ZMAT4: variants seen among roughly 807,000 people sequenced by gnomAD.
ZMAT4 encodes zinc finger matrin-type 4, also known as zinc finger matrin-type protein 4.
Under a neutral mutation model 28.7 loss-of-function variants are expected in ZMAT4, and 17 were observed. The observed-to-expected ratio is 0.59, with a 90% CI of 0.41 to 0.89. ZMAT4 has a LOEUF of 0.89. Ranked by LOEUF, ZMAT4 falls within the 40% of genes least tolerant of loss-of-function variation. The probability of loss-of-function intolerance (pLI) is 0.00; values close to 1 mark genes in which losing one functional copy is unlikely to be tolerated. For synonymous variants in ZMAT4, 117 were observed against 109.2 expected (o/e 1.07, Z -0.44); for missense variants, 240 against 283.8 (o/e 0.85, Z 1.11).
At position 40,699,596 on chromosome 8, in the gene ZMAT4, G is replaced by GCACACACACACACA. The variant is rs10681965; in HGVS notation, c.193-2209_193-2196dup. 3.7e-4 allele frequency among the ~76,000 whole-genome samples: 56 copies of GCACACACACACACA among 149,746 alleles called. 2 individuals carry two copies. Among genetic ancestry groups the GCACACACACACACA allele is most frequent in the Middle Eastern group, 3.5e-3 (1 of 288 alleles). Reference sequence around the variant, plus strand: ...ACGATTGGATAAAGAAAATGTAAATGCACACACACACACACACACACACAC... The same window carrying GCACACACACACACA: ...ACGATTGGATAAAGAAAATGTAAATGCACACACACACACACACACACACACACACACACACACAC... On this transcript the variant is annotated intron_variant, in intron 3 of 6. Coordinates refer to ENST00000297737, the MANE Select transcript of ZMAT4 (RefSeq NM_024645.3).
chr8:40,767,476 A>T (rs930346899), intron 3 of ZMAT4, among the ~76,000 whole-genome samples, 165 bp downstream of exon 3: 1 of 152,154 alleles, frequency 6.6e-6, no homozygotes, highest in Non-Finnish European at 1.5e-5. Context: ...CAGGAAAATA[A>T]AAAAACCTCG....
chr8:40,596,823 A>T (rs997166924), intron 5 of ZMAT4, among the ~76,000 whole-genome samples: 2 of 152,212 alleles, frequency 1.3e-5, no homozygotes, highest in African/African-American at 4.8e-5. Context: ...TGAATGAGAC[A>T]ACCTCCGTCT....
chr8:40,721,966 G>A (rs1033887602), intron 3 of ZMAT4, among the ~76,000 whole-genome samples: 2 of 151,852 alleles, frequency 1.3e-5, no homozygotes, highest in Non-Finnish European at 2.9e-5. Context: ...AAACTGGCTA[G>A]CCATATGTAG....
chr8:40,895,292 A>T (rs904216513), intron 1 of ZMAT4, among the ~76,000 whole-genome samples: 3 of 152,222 alleles, frequency 2.0e-5, no homozygotes, highest in African/African-American at 7.2e-5. Context: ...CTAGGCATTC[A>T]TCGGTCCTTG....
At chr8:40,765,469 G>A (rs1813116546) in intron 3 of ZMAT4, among the ~76,000 whole-genome samples, 1 of 152,048 alleles carries the variant, frequency 6.6e-6, no homozygotes, top group Non-Finnish European at 1.5e-5. Flanking sequence ...CTGTTTACTG[G>A]TTTGCTTTTA....
At chr8:40,738,054 A>G (rs1375524531) in intron 3 of ZMAT4, among the ~76,000 whole-genome samples, 1 of 152,170 alleles carries the variant, frequency 6.6e-6, no homozygotes, top group African/African-American at 2.4e-5. Flanking sequence ...TGGAAAGAAA[A>G]GCAGGAAGGG....
intron 5 of ZMAT4, among the ~76,000 whole-genome samples, chr8:40,614,959 C>G (rs1319040437): frequency 6.6e-6 from 1 of 152,140 alleles, no homozygotes; most frequent in Non-Finnish European, 1.5e-5. Flanking sequence ...TGAGTTTGAT[C>G]CTGTCATTAT....
intron 6 of ZMAT4, among the ~76,000 whole-genome samples, chr8:40,576,627 A>C: frequency 6.6e-6 from 1 of 152,314 alleles, no homozygotes; most frequent in South Asian, 2.1e-4. Flanking sequence ...GAAGAAATTA[A>C]TCATCACCAG....
In ZMAT4 at chr8:40,674,839, C is replaced by T; in HGVS notation, c.442G>A (p.Gly148Arg). Residue 148 changes from glycine (G) to arginine (R), a missense_variant, in exon 5 of 7, where the codon GGG (glycine) becomes AGG (arginine). Gly to Arg is a moderately radical substitution (Grantham distance 125). Transcript: ENST00000297737. Reference sequence around the variant, plus strand: ...TTATTAAACCAGGCTGCACAGAGCCCACAGTATCTGTCTGAATCTCTTCTT... The same window carrying T: ...TTATTAAACCAGGCTGCACAGAGCCTACAGTATCTGTCTGAATCTCTTCTT... ...YQRRDSDRYC[G>R]LCAAWFNNPL... 6.2e-7 allele frequency: 1 copy of T among 1,613,868 alleles called. No individual in the cohort carries two copies. Among genetic ancestry groups the T allele is most frequent in the East Asian group, 2.2e-5 (1 of 44,856 alleles).
chr8:40,872,402 C>T (rs552334182), intron 1 of ZMAT4, among the ~76,000 whole-genome samples: 2 of 152,328 alleles, frequency 1.3e-5, no homozygotes, highest in South Asian at 2.1e-4. Context: ...GTAACAGTGA[C>T]TCCCCCTCCC....
chr8:40,739,813 C>G (rs1294255909), intron 3 of ZMAT4, among the ~76,000 whole-genome samples: 2 of 152,134 alleles, frequency 1.3e-5, no homozygotes, highest in Admixed American at 6.5e-5. Flanking sequence ...CACCCGCCGA[C>G]AGGCCCCGGT....
chr8:40,666,630 G>T (rs575877175), intron 5 of ZMAT4, among the ~76,000 whole-genome samples: 1 of 152,060 alleles, frequency 6.6e-6, no homozygotes, highest in East Asian at 1.9e-4. Context: ...CAAGGCCAAT[G>T]AACAAAATTC....
At chr8:40,625,893 C>A (rs1806357555) in intron 5 of ZMAT4, among the ~76,000 whole-genome samples, 1 of 152,094 alleles carries the variant, frequency 6.6e-6, no homozygotes, top group African/African-American at 2.4e-5. Flanking sequence ...AGGTGGATCA[C>A]CTGAGGTCGG....
At chr8:40,565,896 G>A (rs1803907827) in intron 6 of ZMAT4, among the ~76,000 whole-genome samples, 1 of 151,834 alleles carries the variant, frequency 6.6e-6, no homozygotes, top group South Asian at 2.1e-4. Context: ...AGGACTCCAG[G>A]ACCTTCACCA....
chr8:40,667,664 T>C (rs1808479084), intron 5 of ZMAT4, among the ~76,000 whole-genome samples: 1 of 152,110 alleles, frequency 6.6e-6, no homozygotes, highest in Admixed American at 6.5e-5. Flanking sequence ...AATAACACCA[T>C]GGGATCTATA....
At chr8:40,707,217 C>T (rs1810396764) in intron 3 of ZMAT4, among the ~76,000 whole-genome samples, 1 of 99,858 alleles carries the variant, frequency 1.0e-5, no homozygotes, top group South Asian at 4.8e-4. Context: ...CAGGCCTGCC[C>T]CCCCACCCCC....
intron 5 of ZMAT4, among the ~76,000 whole-genome samples, chr8:40,589,798 C>A (rs1804811264): frequency 1.9e-5 from 2 of 106,616 alleles, no homozygotes; most frequent in Admixed American, 9.9e-5. Flanking sequence ...TTTTCTTTTT[C>A]TTTGTCTTTC....
At chr8:40,730,004 C>T (rs529686632) in intron 3 of ZMAT4, among the ~76,000 whole-genome samples, 1 of 152,168 alleles carries the variant, frequency 6.6e-6, no homozygotes, top group Non-Finnish European at 1.5e-5. Flanking sequence ...TGTTTAAAAT[C>T]TGCAGACCTG....
chr8:40,854,073 T>C (rs1817211389), intron 1 of ZMAT4, among the ~76,000 whole-genome samples: 1 of 152,140 alleles, frequency 6.6e-6, no homozygotes, highest in African/African-American at 2.4e-5. Context: ...CCAGTCTCTT[T>C]TTAACAAACA....
Sources: gnomAD v4.1 joint callset for allele counts (sites outside exome capture counted in the v4.1 genomes callset) on GRCh38, gnomAD v4.1.1 for gene constraint, MANE v1.5 for transcripts, NCBI Gene and HGNC (gene_info 2026-07-23, HGNC 2026-07-21) for gene names.